The following CPNE3 variants were observed in gnomAD, a reference collection of about 807,000 sequenced individuals.
CPNE3 encodes copine 3.
A neutral mutation model predicts 63.9 loss-of-function variants in CPNE3; 68 were observed. The observed-to-expected ratio is 1.06, with a 90% CI of 0.87 to 1.30. The LOEUF (loss-of-function observed/expected upper bound fraction) is 1.30. Among genes scored for constraint, CPNE3 ranks in the 50% most tolerant of loss-of-function variants. The probability of loss-of-function intolerance (pLI) is 0.00; values close to 1 mark genes in which losing one functional copy is unlikely to be tolerated. For synonymous variants in CPNE3, 219 were observed against 197.5 expected (o/e 1.11, Z -0.91); for missense variants, 665 against 578.1 (o/e 1.15, Z -1.54).
In CPNE3 at chr8:86,526,827, C is replaced by T. The variant is rs115251784; in HGVS notation, c.-10-1709C>T. On this transcript the variant is annotated intron_variant, in intron 2 of 16. Coordinates refer to ENST00000517490, the MANE Select transcript of CPNE3 (RefSeq NM_003909.5). ...GTGCCCGGCCAGCTTTGTTTTTAAA[C>T]GGGTTTTCTAGCTACTTCTAAGACT... Among the ~76,000 whole-genome samples, 667 of 152,238 alleles carry T rather than the reference C, an allele frequency of 4.4e-3. 4 individuals carry two copies. The highest frequency in any genetic ancestry group is 0.015 in the African/African-American group (629 of 41,544).
In CPNE3 at chr8:86,558,391, C is replaced by T. The variant is rs761276717; in HGVS notation, c.1595C>T (p.Thr532Met). Residue 532 changes from threonine (T) to methionine (M), a missense_variant, in exon 17 of 17, where the codon ACG (threonine) becomes ATG (methionine). Thr to Met is a moderately conservative substitution (Grantham distance 81). Coordinates refer to ENST00000517490, the MANE Select transcript of CPNE3 (RefSeq NM_003909.5). ...YKLLPPKNPA[T>M]KQQKQ is the part of the protein sequence containing the mutation. ...CTCCTTCCTCCCAAGAACCCAGCCA[C>T]GAAACAACAGAAGCAGTGACCACTT... is the stretch of plus-strand genomic sequence containing the variant. 29 of 872,812 alleles carry T rather than the reference C, an allele frequency of 3.3e-5. No individual in the cohort carries two copies. Among genetic ancestry groups the T allele is most frequent in the South Asian group, 5.2e-5 (4 of 76,550 alleles). 54.1% of individuals were successfully genotyped at this position (872,812 alleles called of 1,614,324 possible).
At chr8:86,548,466 T>C (rs770503450) in intron 12 of CPNE3, 32 bp downstream of exon 12, 8 of 1,613,162 alleles carry the variant, frequency 5.0e-6, no homozygotes, top group Non-Finnish European at 6.8e-6. Context: ...CTAAAATACA[T>C]GTTTTCACAA....
rs775895815 is a variant in CPNE3, at chr8:86,528,672, T to C, written c.127T>C (p.Tyr43His). Residue 43 changes from tyrosine to histidine, a missense_variant, in exon 3 of 17, where the codon TAT becomes CAT. By Grantham distance (83) the Tyr-to-His change is moderately conservative (BLOSUM62 2). Coordinates refer to ENST00000517490, the MANE Select transcript of CPNE3 (RefSeq NM_003909.5). ...LFLNTSGQQW[Y>H]EVERTERIKN... ...TTTGAATACAAGTGGTCAACAGTGGTATGAGGTAATGTCAAATACTTTACC... is the reference window on the plus strand; with the variant it reads ...TTTGAATACAAGTGGTCAACAGTGGCATGAGGTAATGTCAAATACTTTACC... The C allele has an allele frequency of 1.9e-6, 3 of 1,611,522 alleles. No individual in the cohort carries two copies.
chr8:86,555,109 T>C, intron 15 of CPNE3, 125 bp downstream of exon 15: 1 of 1,362,196 alleles, frequency 7.3e-7, no homozygotes, highest in Non-Finnish European at 9.8e-7. Flanking sequence ...ACAGTCATTC[T>C]TGGTTTGGGA....
chr8:86,545,928 A>G (rs1371552383), intron 9 of CPNE3, among the ~76,000 whole-genome samples: 1 of 152,228 alleles, frequency 6.6e-6, no homozygotes, highest in Non-Finnish European at 1.5e-5. Flanking sequence ...AGAGGTAGAT[A>G]GAGATCAGAG....
chr8:86,522,085 A>C (rs1350870370), intron 2 of CPNE3, among the ~76,000 whole-genome samples: 1 of 152,266 alleles, frequency 6.6e-6, no homozygotes, highest in African/African-American at 2.4e-5. Flanking sequence ...AAGGGTGAAA[A>C]AGAAATCTGG....
At chr8:86,530,817 G>A (rs190505984) in intron 4 of CPNE3, among the ~76,000 whole-genome samples, 12 of 151,320 alleles carry the variant, frequency 7.9e-5, no homozygotes, top group East Asian at 7.8e-4. Context: ...TCAGTATCCC[G>A]AGTAGCTGGG....
chr8:86,549,108 T>A (rs1821117372), intron 12 of CPNE3, among the ~76,000 whole-genome samples: 1 of 152,150 alleles, frequency 6.6e-6, no homozygotes, highest in African/African-American at 2.4e-5. Flanking sequence ...GATGTAGCGT[T>A]AAGAGTACAG....
chr8:86,529,078 T>C lies in CPNE3; in HGVS notation c.266T>C (p.Leu89Pro), dbSNP rs1820611234. Residue 89 changes from leucine to proline, a missense_variant, in exon 4 of 17, where the codon CTG (leucine) becomes CCG (proline). Leu to Pro is a moderately conservative substitution (Grantham distance 98). Transcript: ENST00000517490. ...GACATCGACAACAAAACTATTGAGC[T>C]GAGTGATGATGACTTCTTAGGGGAA... ...VYDIDNKTIE[L>P]SDDDFLGECE... is the part of the protein sequence containing the mutation. 1 of 1,614,030 alleles carries C rather than the reference T, an allele frequency of 6.2e-7. No individual in the cohort carries two copies. The highest frequency in any genetic ancestry group is 8.5e-7 in the Non-Finnish European group (1 of 1,179,950).
At position 86,551,300 on chromosome 8, in the gene CPNE3, T is replaced by C. The variant is rs897677697; in HGVS notation, c.1120+66T>C. 6 of 1,115,928 alleles carry C rather than the reference T, an allele frequency of 5.4e-6. No individual in the cohort carries two copies. In the Admixed American group the frequency reaches 5.9e-5, roughly 11 times the overall value. 69.1% of individuals were successfully genotyped at this position (1,115,928 alleles called of 1,614,324 possible). A position where few individuals can be genotyped will look rare whatever the true frequency, so the allele number is the denominator to read the frequency against. ...CTCACTAGTCTTTGTTATTTTGTTC[T>C]TTGTTCTTTGTTTTTTTTCTTGTGA... On this transcript the variant is annotated intron_variant, in intron 14 of 16. Coordinates refer to ENST00000517490, the MANE Select transcript of CPNE3 (RefSeq NM_003909.5).
intron 4 of CPNE3, 27 bp downstream of exon 4, chr8:86,529,151 A>C: frequency 6.4e-7 from 1 of 1,557,436 alleles, no homozygotes; most frequent in South Asian, 1.2e-5. Flanking sequence ...ACTGTACTCT[A>C]TTTTGTCTAA....
intron 2 of CPNE3, among the ~76,000 whole-genome samples, chr8:86,523,951 G>A (rs1029132415): frequency 6.6e-6 from 1 of 152,176 alleles, no homozygotes; most frequent in Non-Finnish European, 1.5e-5. Context: ...AGGGGTAGAT[G>A]TTGGCAGAGC....
In CPNE3 at chr8:86,537,643, A is replaced by T. The variant is rs1199957609; in HGVS notation, c.540A>T (p.Thr180=). The change falls in exon 7 of 17, where the codon ACA becomes ACT. Residue 180 remains threonine (T), a synonymous_variant. Coordinates refer to ENST00000517490, the MANE Select transcript of CPNE3 (RefSeq NM_003909.5). ...GAAACTGGCTAATGGTTCATCGGAC[A>T]GAGGTGAATATTTGAATTTGAAAAG... ...SDGNWLMVHR[T]EVVKNNLNPV... The T allele has an allele frequency of 6.3e-7, 1 of 1,580,064 alleles. No homozygotes were observed. The highest frequency in any genetic ancestry group is 1.7e-5 in the Admixed American group (1 of 59,972).
In CPNE3 at chr8:86,558,353, C is replaced by A; in HGVS notation, c.1557C>A (p.Phe519Leu). 2.3e-6 allele frequency: 2 copies of A among 872,972 alleles called. No homozygotes were observed. Among genetic ancestry groups the A allele is most frequent in the East Asian group, 4.8e-5 (2 of 41,700 alleles). 54.1% of individuals were successfully genotyped at this position (872,972 alleles called of 1,614,324 possible). A position where few individuals can be genotyped will look rare whatever the true frequency, so the allele number is the denominator to read the frequency against. The change falls in exon 17 of 17, where the codon TTC becomes TTA. Residue 519 changes from phenylalanine to leucine, a missense_variant. Physicochemically the swap from Phe to Leu is conservative, Grantham distance 22. Transcript: ENST00000517490. ...TTCCCCAGCAGGTGGTGGGCTACTT[C>A]AATACATACAAACTCCTTCCTCCCA... Reference protein sequence around the residue: ...AEIPQQVVGYFNTYKLLPPKN... With the variant: ...AEIPQQVVGYLNTYKLLPPKN...
chr8:86,518,853 A>C (rs188364855), intron 2 of CPNE3, among the ~76,000 whole-genome samples: 1 of 151,838 alleles, frequency 6.6e-6, no homozygotes, highest in African/African-American at 2.4e-5. Flanking sequence ...GCTCACTGCA[A>C]CCTCCACCTC....
At chr8:86,548,745 T>G (rs1821108963) in intron 12 of CPNE3, among the ~76,000 whole-genome samples, 1 of 152,174 alleles carries the variant, frequency 6.6e-6, no homozygotes, top group African/African-American at 2.4e-5. Context: ...CCTTGGGGCT[T>G]ATTCATTAGG....
intron 2 of CPNE3, among the ~76,000 whole-genome samples, chr8:86,526,227 C>CAA (rs879779751): frequency 7.5e-6 from 1 of 133,662 alleles, no homozygotes; most frequent in Non-Finnish European, 1.6e-5. Context: ...GACTCCGTCT[C>CAA]AAAAAAAAAA....
In CPNE3 at chr8:86,528,585, TC is replaced by T. The variant is rs751674703; in HGVS notation, c.42del (p.Cys15ValfsTer9). ...QCVTKVALNV[S>X]CANLLDKDIG... ...TGTCACAAAGGTGGCGCTGAATGTT[TC>T]CTGTGCCAATCTTTTGGATAAAGAT... On this transcript the variant is annotated frameshift_variant, in exon 3 of 17. Transcript: ENST00000517490. LOFTEE classifies it high-confidence loss of function. 3 of 1,614,122 alleles carry T rather than the reference TC, an allele frequency of 1.9e-6. No homozygotes were observed. The East Asian group carries it at 6.7e-5, about 36-fold the overall frequency.
chr8:86,549,253 A>G (rs912400374), intron 12 of CPNE3, among the ~76,000 whole-genome samples: 1 of 152,224 alleles, frequency 6.6e-6, no homozygotes, highest in Admixed American at 6.5e-5. Flanking sequence ...GGCAATTCCA[A>G]TTTCAGGCTA....
Sources: allele counts gnomAD v4.1 joint callset (sites outside exome capture counted in the v4.1 genomes callset), GRCh38; gene constraint gnomAD v4.1.1; transcripts MANE v1.5; gene names NCBI Gene and HGNC (gene_info 2026-07-23, HGNC 2026-07-21).